The following KTN1 variants were observed in gnomAD, a reference collection of about 807,000 sequenced individuals.
KTN1 encodes the protein kinectin.
A neutral mutation model predicts 222.5 loss-of-function variants in KTN1; 130 were observed. That is an observed-to-expected ratio of 0.58 (90% CI 0.51 to 0.68). KTN1 has a LOEUF of 0.68. Among genes scored for constraint, KTN1 ranks in the 30% least tolerant of loss-of-function variants. KTN1 has a pLI of 0.00. For missense variants in KTN1, 1,508 were observed against 1,500.4 expected, an observed-to-expected ratio of 1.01 and a Z score of -0.08; for synonymous variants, 512 against 496.3, an observed-to-expected ratio of 1.03 and a Z score of -0.42.
At position 55,627,927 on chromosome 14, in the gene KTN1, T is replaced by C. The variant is rs750230726; in HGVS notation, c.979T>C (p.Leu327=). ...DALKKSSKGE[L]TTLIHQLQEK... is the part of the protein sequence containing the mutation. ...TCAATTGCAGTCAAGTAAGGGAGAATTGACTACGCTTATACATCAGCTTCA... is the reference window on the plus strand; with the variant it reads ...TCAATTGCAGTCAAGTAAGGGAGAACTGACTACGCTTATACATCAGCTTCA... The change falls in exon 6 of 44, where the codon TTG becomes CTG. Residue 327 remains leucine (L), a synonymous_variant. Coordinates refer to ENST00000395314, the MANE Select transcript of KTN1 (RefSeq NM_001079521.2). 1.1e-5 allele frequency: 17 copies of C among 1,608,330 alleles called. No homozygotes were observed. The highest frequency in any genetic ancestry group is 1.1e-5 in the South Asian group (1 of 90,776).
intron 1 of KTN1, among the ~76,000 whole-genome samples, chr14:55,597,102 C>G (rs1306426046): frequency 6.6e-6 from 1 of 151,908 alleles, no homozygotes; most frequent in Non-Finnish European, 1.5e-5. Flanking sequence ...CAAGGACCAC[C>G]TATATAAAGT....
chr14:55,606,219 C>G (rs1007075097), intron 1 of KTN1, among the ~76,000 whole-genome samples: 1 of 152,100 alleles, frequency 6.6e-6, no homozygotes, highest in Non-Finnish European at 1.5e-5. Flanking sequence ...ATAGGCTACT[C>G]TGGAAGCCTG....
chr14:55,613,010 G>A (rs1465055421), intron 2 of KTN1, among the ~76,000 whole-genome samples: 1 of 152,058 alleles, frequency 6.6e-6, no homozygotes, highest in African/African-American at 2.4e-5. Flanking sequence ...TAAATGATAT[G>A]GTAAGAATTA....
Position 55,612,104 on chromosome 14 carries a change from C to A in KTN1, c.56C>A (p.Thr19Lys). The A allele has an allele frequency of 6.5e-7, 1 of 1,545,826 alleles. No individual in the cohort carries two copies. The highest frequency in any genetic ancestry group is 8.7e-7 in the Non-Finnish European group (1 of 1,152,588). The part of the protein sequence containing the change: ...FIVLIPSIVI[T>K]VIFLFFWLFM... The stretch of plus-strand genomic sequence containing the variant: ...GTTCTTATTCCTTCAATAGTTATTA[C>A]AGTAATTTTCCTCTTCTTCTGGCTT... The change falls in exon 2 of 44, where the codon ACA becomes AAA. Residue 19 changes from threonine (T) to lysine (K), a missense_variant. Coordinates refer to ENST00000395314, the MANE Select transcript of KTN1 (RefSeq NM_001079521.2).
intron 1 of KTN1, chr14:55,601,818 C>G (rs964733672): frequency 1.3e-5 from 2 of 152,148 alleles, no homozygotes; most frequent in African/African-American, 4.8e-5. Flanking sequence ...TTGCTGCAAC[C>G]CTTTGCCTCC....
intron 1 of KTN1, among the ~76,000 whole-genome samples, chr14:55,588,244 CTG>C (rs1211245686): frequency 2.0e-5 from 3 of 152,140 alleles, no homozygotes; most frequent in Non-Finnish European, 2.9e-5. Context: ...TCATAAGAGA[CTG>C]TGTATTTACA....
At chr14:55,581,061 A>G (rs1012154741) in intron 1 of KTN1, among the ~76,000 whole-genome samples, 3 of 152,244 alleles carry the variant, frequency 2.0e-5, no homozygotes, top group African/African-American at 7.2e-5. Flanking sequence ...GGTGTGTCCT[A>G]GCGATTCGGC....
At chr14:55,589,232 T>G (rs2033628404) in intron 1 of KTN1, among the ~76,000 whole-genome samples, 1 of 152,244 alleles carries the variant, frequency 6.6e-6, no homozygotes, top group African/African-American at 2.4e-5. Flanking sequence ...ATCCTTTCAG[T>G]GTTATGTAAC....
chr14:55,599,338 G>A (rs2035588647), intron 1 of KTN1, among the ~76,000 whole-genome samples: 1 of 152,048 alleles, frequency 6.6e-6, no homozygotes, highest in Non-Finnish European at 1.5e-5. Flanking sequence ...TTCACCTCTG[G>A]CAGGAGTATA....
At chr14:55,659,476 A>G (rs2043874192) in intron 30 of KTN1, among the ~76,000 whole-genome samples, 190 bp from the exon 31 acceptor site, 1 of 152,186 alleles carries the variant, frequency 6.6e-6, no homozygotes, top group African/African-American at 2.4e-5. Context: ...TGGATTTAGC[A>G]TTCCATACAT....
At position 55,653,103 on chromosome 14, in the gene KTN1, TA is replaced by T. The variant is rs766057321; in HGVS notation, c.2763+19del. 5.6e-6 allele frequency: 8 copies of T among 1,430,872 alleles called. No homozygotes were observed. The Middle Eastern group carries it at 5.6e-4, about 100-fold the overall frequency. 88.6% of individuals were successfully genotyped at this position (1,430,872 alleles called of 1,614,324 possible). On this transcript the variant is annotated intron_variant, in intron 27 of 43. Coordinates refer to ENST00000395314, the MANE Select transcript of KTN1 (RefSeq NM_001079521.2). Reference sequence around the variant, plus strand: ...TGAAAGAGGTATAGTATAAACAAATTACCAACATGTTACATAAGGAATGATA... The same window carrying T: ...TGAAAGAGGTATAGTATAAACAAATTCCAACATGTTACATAAGGAATGATA...
chr14:55,586,413 G>T (rs962498694), intron 1 of KTN1, among the ~76,000 whole-genome samples: 1 of 150,544 alleles, frequency 6.6e-6, no homozygotes, highest in African/African-American at 2.4e-5. Flanking sequence ...AATGCTTTAG[G>T]TGCATTATCA....
chr14:55,679,461 T>C, intron 42 of KTN1, 104 bp from the exon 43 acceptor site: 1 of 918,772 alleles, frequency 1.1e-6, no homozygotes, highest in South Asian at 1.8e-5. Context: ...TTCAGATTTT[T>C]TAATGTTTGT....
intron 41 of KTN1, among the ~76,000 whole-genome samples, chr14:55,676,128 TCA>T (rs1280731888): frequency 2.0e-5 from 3 of 152,212 alleles, no homozygotes; most frequent in Non-Finnish European, 1.5e-5. Flanking sequence ...CATTATTTCC[TCA>T]CATTTCTATA....
intron 5 of KTN1, among the ~76,000 whole-genome samples, chr14:55,621,233 C>T (rs571760753): frequency 3.9e-4 from 59 of 152,276 alleles, no homozygotes; most frequent in African/African-American, 1.4e-3. Context: ...CAAAGCTATT[C>T]AGCAAGTCTC....
rs753962813 is a variant in KTN1, at chr14:55,639,903, C to A, written c.1824-10C>A. 2.0e-6 allele frequency: 3 copies of A among 1,519,700 alleles called. No homozygotes were observed. Among genetic ancestry groups the A allele is most frequent in the Non-Finnish European group, 1.8e-6 (2 of 1,098,244 alleles). The allele number at this position is 1,519,700 out of a possible 1,614,324, so 94.1% of individuals were successfully genotyped here. A position where few individuals can be genotyped will look rare whatever the true frequency, so the allele number is the denominator to read the frequency against. On this transcript the variant is annotated splice_polypyrimidine_tract_variant and intron_variant, in intron 13 of 43. Transcript: ENST00000395314. ...GTTTATTGAATGTACAAATGTCTTT[C>A]CTTCTAAAGGATTGCAGAAAAGGAT... is the stretch of plus-strand genomic sequence containing the variant.
chr14:55,684,090 C>T lies in KTN1; in HGVS notation c.4070-9C>T. ...TAAAGTGAAATTCATTCTTTCTGAT[C>T]TTTTACAGAGTGAAGTAATTGGGAA... On this transcript the variant is annotated splice_polypyrimidine_tract_variant and intron_variant, in intron 43 of 43. Coordinates refer to ENST00000395314, the MANE Select transcript of KTN1 (RefSeq NM_001079521.2). 2 of 1,598,902 alleles carry T rather than the reference C, an allele frequency of 1.3e-6. No individual in the cohort carries two copies. The highest frequency in any genetic ancestry group is 4.5e-5 in the East Asian group (2 of 44,378).
Position 55,671,515 on chromosome 14 carries a change from T to C in KTN1, c.3349-51T>C, listed in dbSNP as rs372615461. ...TAAGTACTAAAACAAACTTGAAGCATAAAACTTTCTGGTAGAATTATGGAG... is the reference window on the plus strand; with the variant it reads ...TAAGTACTAAAACAAACTTGAAGCACAAAACTTTCTGGTAGAATTATGGAG... On this transcript the variant is annotated intron_variant, in intron 35 of 43. Transcript: ENST00000395314. 68 of 1,397,452 alleles carry C rather than the reference T, an allele frequency of 4.9e-5. No individual in the cohort carries two copies. The Middle Eastern group carries it at 6.2e-4, about 13-fold the overall frequency. The allele number at this position is 1,397,452 out of a possible 1,614,324, so 86.6% of individuals were successfully genotyped here.
intron 35 of KTN1, chr14:55,671,348 T>A (rs1256235341): frequency 1.9e-6 from 1 of 524,532 alleles, no homozygotes; most frequent in Non-Finnish European, 3.3e-6. Context: ...CTAAAGACTT[T>A]AGTACCAAGA....
Sources: allele counts gnomAD v4.1 joint callset (sites outside exome capture counted in the v4.1 genomes callset), GRCh38; gene constraint gnomAD v4.1.1; transcripts MANE v1.5; gene names NCBI Gene and HGNC (gene_info 2026-07-23, HGNC 2026-07-21).